Variants in TNKS observed in about 807,000 individuals in gnomAD.
TNKS encodes the protein poly [ADP-ribose] polymerase tankyrase-1.
In TNKS, 72 loss-of-function variants were observed where a neutral mutation model predicts 135.8. That is an observed-to-expected ratio of 0.53 (90% CI 0.44 to 0.64). The LOEUF (loss-of-function observed/expected upper bound fraction) is 0.64, where lower values mean the gene tolerates loss of function less well. TNKS is among the 30% of genes least tolerant of loss of function. The pLI is 0.00. For synonymous variants in TNKS, 849 were observed against 649.3 expected (o/e 1.31, Z -4.68); for missense variants, 1,769 against 1,674.0 (o/e 1.06, Z -0.99).
chr8:9,723,563 G>A (rs374603905), intron 12 of TNKS, among the ~76,000 whole-genome samples: 1 of 152,158 alleles, frequency 6.6e-6, no homozygotes, highest in Non-Finnish European at 1.5e-5. Context: ...AACAAGAGAA[G>A]CAGCTTTTTA....
intron 3 of TNKS, among the ~76,000 whole-genome samples, chr8:9,624,856 T>C (rs1168683554): frequency 6.6e-6 from 1 of 152,168 alleles, no homozygotes; most frequent in African/African-American, 2.4e-5. Context: ...TCCCGTATAC[T>C]TTAAATCAGC....
chr8:9,556,654 G>T, intron 1 of TNKS, 42 bp downstream of exon 1: 1 of 1,608,284 alleles, frequency 6.2e-7, no homozygotes, highest in Non-Finnish European at 8.5e-7. Flanking sequence ...TATGGGTTTG[G>T]GTGCAGGGTC....
chr8:9,574,684 C>G (rs908563344), intron 1 of TNKS, among the ~76,000 whole-genome samples: 30 of 152,170 alleles, frequency 2.0e-4, no homozygotes, highest in Non-Finnish European at 4.3e-4. Context: ...AAATTCTTCA[C>G]TAACAGATCT....
chr8:9,633,691 T>C (rs540911412), intron 3 of TNKS, among the ~76,000 whole-genome samples: 27 of 152,354 alleles, frequency 1.8e-4, no homozygotes, highest in African/African-American at 5.3e-4. Flanking sequence ...CTCATTCACT[T>C]GGATCACTTG....
At chr8:9,728,023 G>A (rs1478010226) in intron 13 of TNKS, among the ~76,000 whole-genome samples, 1 of 152,130 alleles carries the variant, frequency 6.6e-6, no homozygotes, top group Non-Finnish European at 1.5e-5. Context: ...GATCATCTCA[G>A]TGCTTGAATT....
At chr8:9,771,549 A>T (rs1362435822) in intron 26 of TNKS, among the ~76,000 whole-genome samples, 1 of 133,372 alleles carries the variant, frequency 7.5e-6, no homozygotes, top group Non-Finnish European at 1.6e-5. Flanking sequence ...CTGAGAGAGG[A>T]AGCAAGGGAG....
intron 2 of TNKS, among the ~76,000 whole-genome samples, chr8:9,601,952 T>C (rs751445431): frequency 5.9e-5 from 9 of 152,050 alleles, no homozygotes; most frequent in African/African-American, 1.2e-4. Flanking sequence ...AAGCCTTGCA[T>C]GTGTATGAGG....
chr8:9,730,970 C>T lies in TNKS; in HGVS notation c.2082C>T (p.Tyr694=). 1.9e-6 allele frequency: 3 copies of T among 1,614,092 alleles called. No individual in the cohort carries two copies. The highest frequency in any genetic ancestry group is 2.5e-6 in the Non-Finnish European group (3 of 1,179,976). The change falls in exon 14 of 27, where the codon TAC becomes TAT. Residue 694 remains tyrosine, a synonymous_variant. Transcript: ENST00000310430. ...CGCCCTTACACTTCGCAGCAGGCTA[C>T]AACCGCGTGTCTGTTGTAGAGTACC... ...HSTPLHFAAG[Y]NRVSVVEYLL...
At chr8:9,621,594 GT>G (rs549909727) in intron 3 of TNKS, among the ~76,000 whole-genome samples, 1 of 151,786 alleles carries the variant, frequency 6.6e-6, no homozygotes, top group Non-Finnish European at 1.5e-5. Context: ...GCTTATTTTT[GT>G]TTTTTTCTTT....
In TNKS at chr8:9,710,021, G is replaced by A. The variant is rs1804243392; in HGVS notation, c.1645G>A (p.Ala549Thr). 1 of 1,613,910 alleles carries A rather than the reference G, an allele frequency of 6.2e-7. No homozygotes were observed. The highest frequency in any genetic ancestry group is 1.3e-5 in the African/African-American group (1 of 74,916). Residue 549 changes from alanine to threonine, a missense_variant, in exon 10 of 27, where the codon GCA becomes ACA. Ala to Thr is a moderately conservative substitution (Grantham distance 58). This residue lies in a region of TNKS where 523 missense variants were observed against 541.0 expected (regional missense o/e 0.97). Coordinates refer to ENST00000310430, the MANE Select transcript of TNKS (RefSeq NM_003747.3). ...QVTELLLRKG[A>T]NVNEKNKDFM... is the part of the protein sequence containing the mutation. ...GACAGAATTGTTACTTAGAAAAGGA[G>A]CAAATGTTAATGAAAAAAATAAAGA...
chr8:9,610,843 A>G (rs997705665), intron 2 of TNKS, among the ~76,000 whole-genome samples: 1 of 152,230 alleles, frequency 6.6e-6, no homozygotes, highest in Non-Finnish European at 1.5e-5. Context: ...GTTAAACACA[A>G]TTTATTATAA....
intron 2 of TNKS, among the ~76,000 whole-genome samples, chr8:9,586,583 G>C (rs1248980141): frequency 1.3e-5 from 2 of 151,912 alleles, no homozygotes; most frequent in Admixed American, 6.6e-5. Flanking sequence ...TATTCAACTA[G>C]GTAAAACTCA....
chr8:9,593,043 TA>T (rs1798644332), intron 2 of TNKS, among the ~76,000 whole-genome samples: 1 of 152,228 alleles, frequency 6.6e-6, no homozygotes, highest in Admixed American at 6.5e-5. Context: ...CAAAGGATAG[TA>T]AAACATTTTT....
intron 11 of TNKS, among the ~76,000 whole-genome samples, chr8:9,713,485 C>A (rs140403351): frequency 1.1e-3 from 175 of 152,296 alleles, no homozygotes; most frequent in African/African-American, 3.9e-3. Context: ...GGTTCTCACT[C>A]TTTATTTGCC....
chr8:9,572,330 C>G lies in TNKS; in HGVS notation c.674-7829C>G, dbSNP rs368567094. Among the ~76,000 whole-genome samples, 9 of 152,262 alleles carry G rather than the reference C, an allele frequency of 5.9e-5. No homozygotes were observed. In the East Asian group the frequency reaches 1.2e-3, roughly 20 times the overall value. The stretch of plus-strand genomic sequence containing the variant: ...TGTTTTTAGCTGATTTGTTTTCTTT[C>G]TGAAAGACTATGGCCTTTGTTGTTG... On this transcript the variant is annotated intron_variant, in intron 1 of 26. Transcript: ENST00000310430.
intron 5 of TNKS, among the ~76,000 whole-genome samples, chr8:9,690,440 G>A (rs1343382378): frequency 3.3e-5 from 5 of 152,126 alleles, no homozygotes; most frequent in African/African-American, 7.2e-5. Flanking sequence ...TTAAAATAAA[G>A]ATAGTCCTTT....
At chr8:9,609,105 G>A (rs12679632) in intron 2 of TNKS, among the ~76,000 whole-genome samples, 1 of 151,874 alleles carries the variant, frequency 6.6e-6, no homozygotes, top group Non-Finnish European at 1.5e-5. Context: ...AGATCTTTCA[G>A]CTTGTATTTT....
At chr8:9,762,987 TTAAAG>T (rs1315986198) in intron 21 of TNKS, among the ~76,000 whole-genome samples, 155 bp from the exon 22 acceptor site, 1 of 151,886 alleles carries the variant, frequency 6.6e-6, no homozygotes, top group Non-Finnish European at 1.5e-5. Context: ...GTATATTTGT[TTAAAG>T]TAACCGAATT....
chr8:9,765,856 G>C, intron 24 of TNKS, 59 bp downstream of exon 24: 2 of 1,388,154 alleles, frequency 1.4e-6, no homozygotes, highest in Non-Finnish European at 2.0e-6. Flanking sequence ...AGTCAGTAAA[G>C]GGAAAAACCT....
Sources: gnomAD v4.1 joint callset for allele counts (sites outside exome capture counted in the v4.1 genomes callset) on GRCh38, gnomAD v4.1.1 for gene constraint, gnomAD v4.1.1 regional missense constraint, MANE v1.5 for transcripts, NCBI Gene and HGNC (gene_info 2026-07-23, HGNC 2026-07-21) for gene names.